Variants in TAFA1 observed in about 807,000 individuals in gnomAD.
TAFA1 encodes TAFA chemokine like family member 1.
A neutral mutation model predicts 18.5 loss-of-function variants in TAFA1; 4 were observed. The observed-to-expected ratio is 0.22, with a 90% CI of 0.11 to 0.49. The LOEUF (loss-of-function observed/expected upper bound fraction) is 0.49. Among genes scored for constraint, TAFA1 ranks in the 20% least tolerant of loss-of-function variants. The pLI, the probability that TAFA1 is intolerant of heterozygous loss-of-function variation, is 0.98. For synonymous variants in TAFA1, 56 were observed against 55.2 expected (o/e 1.01, Z -0.06); for missense variants, 147 against 169.0 (o/e 0.87, Z 0.72).
intron 2 of TAFA1, among the ~76,000 whole-genome samples, chr3:68,379,369 G>C (rs138526587): frequency 6.6e-6 from 1 of 152,114 alleles, no homozygotes; most frequent in Non-Finnish European, 1.5e-5. Flanking sequence ...ATTTGTTTAA[G>C]TTCCTTACAA....
chr3:68,018,041 T>C (rs1704604366), intron 2 of TAFA1, among the ~76,000 whole-genome samples: 1 of 152,168 alleles, frequency 6.6e-6, no homozygotes, highest in South Asian at 2.1e-4. Context: ...CAGGTAAGTG[T>C]AAAAGGATGG....
chr3:68,379,388 T>C (rs1374217005), intron 2 of TAFA1, among the ~76,000 whole-genome samples: 1 of 152,220 alleles, frequency 6.6e-6, no homozygotes, highest in Non-Finnish European at 1.5e-5. Context: ...AAATGCTGGA[T>C]ATTAGACCAT....
intron 3 of TAFA1, among the ~76,000 whole-genome samples, chr3:68,466,130 C>G (rs1433339894): frequency 6.6e-6 from 1 of 151,828 alleles, no homozygotes; most frequent in African/African-American, 2.4e-5. Context: ...TCCTGGCACT[C>G]TTGAGGTTGG....
chr3:68,207,206 C>T (rs954330563), intron 2 of TAFA1, among the ~76,000 whole-genome samples: 6 of 151,780 alleles, frequency 4.0e-5, no homozygotes, highest in Admixed American at 2.0e-4. Flanking sequence ...TATGGAGTGA[C>T]ATTTTGGTAA....
At chr3:68,537,169 A>C (rs1446994319) in intron 3 of TAFA1, among the ~76,000 whole-genome samples, 1 of 152,182 alleles carries the variant, frequency 6.6e-6, no homozygotes, top group African/African-American at 2.4e-5. Context: ...AGCTAAGAGC[A>C]CGAAAGTTCC....
In TAFA1 at chr3:68,483,904, G is replaced by T. The variant is rs1490464215; in HGVS notation, c.260-54852G>T. Among the ~76,000 whole-genome samples the T allele has an allele frequency of 9.9e-5, 15 of 152,244 alleles. 1 individual carries two copies. The highest frequency in any genetic ancestry group is 9.8e-4 in the Admixed American group (15 of 15,284). On this transcript the variant is annotated intron_variant, in intron 3 of 4. Coordinates refer to ENST00000478136, the MANE Select transcript of TAFA1 (RefSeq NM_213609.4). ...CTTATAGCTCTTTAGACTGAGGTAT[G>T]AAGCTTGATTTTATGCCTTGGGAAG... is the stretch of plus-strand genomic sequence containing the variant.
At chr3:68,218,068 C>G (rs559140517) in intron 2 of TAFA1, among the ~76,000 whole-genome samples, 1 of 152,142 alleles carries the variant, frequency 6.6e-6, no homozygotes, top group East Asian at 1.9e-4. Context: ...GATCTTTACA[C>G]AATATGTTTC....
chr3:68,102,514 G>C (rs1354841042), intron 2 of TAFA1, among the ~76,000 whole-genome samples: 1 of 152,108 alleles, frequency 6.6e-6, no homozygotes, highest in Non-Finnish European at 1.5e-5. Flanking sequence ...ACAGAAGGCT[G>C]GCTCTCATAT....
intron 2 of TAFA1, among the ~76,000 whole-genome samples, chr3:68,382,395 A>G (rs1460311518): frequency 1.3e-5 from 2 of 152,020 alleles, no homozygotes; most frequent in Non-Finnish European, 2.9e-5. Flanking sequence ...TGATTTTTGT[A>G]TATAGTGTGA....
intron 3 of TAFA1, among the ~76,000 whole-genome samples, chr3:68,484,950 C>T (rs935991567): frequency 6.6e-6 from 1 of 152,174 alleles, no homozygotes; most frequent in African/African-American, 2.4e-5. Flanking sequence ...AATTTCAAGG[C>T]AAGAGTCATA....
chr3:68,480,410 AT>A (rs2072209949), intron 3 of TAFA1, among the ~76,000 whole-genome samples: 1 of 78,826 alleles, frequency 1.3e-5, no homozygotes, highest in Non-Finnish European at 3.3e-5. Context: ...CTCAAAAAAC[AT>A]AAAAAAAAGA....
intron 3 of TAFA1, among the ~76,000 whole-genome samples, chr3:68,433,812 T>C (rs1392606274): frequency 1.3e-5 from 2 of 152,132 alleles, no homozygotes; most frequent in East Asian, 3.8e-4. Context: ...ACAGAATTAG[T>C]TCTGAATAAG....
chr3:68,483,725 T>C (rs2072280814), intron 3 of TAFA1, among the ~76,000 whole-genome samples: 1 of 152,176 alleles, frequency 6.6e-6, no homozygotes, highest in Non-Finnish European at 1.5e-5. Context: ...ATAGGTAAAC[T>C]TGTGGGAGAG....
intron 2 of TAFA1, among the ~76,000 whole-genome samples, chr3:68,229,518 C>T (rs2066844680): frequency 6.6e-6 from 1 of 151,626 alleles, no homozygotes. Flanking sequence ...TTGGAGTGGG[C>T]TTTTTTTTGG....
At chr3:68,022,635 T>G (rs901773923) in intron 2 of TAFA1, among the ~76,000 whole-genome samples, 10 of 151,862 alleles carry the variant, frequency 6.6e-5, no homozygotes, top group Non-Finnish European at 1.3e-4. Context: ...TTGTCTTTAG[T>G]CAGGAGGTAG....
chr3:68,150,730 A>T (rs2065797182), intron 2 of TAFA1, among the ~76,000 whole-genome samples: 1 of 151,902 alleles, frequency 6.6e-6, no homozygotes, highest in African/African-American at 2.4e-5. Context: ...GTTATTTTTG[A>T]TTGCTTCCTC....
intron 2 of TAFA1, among the ~76,000 whole-genome samples, chr3:68,117,319 G>C (rs1426688276): frequency 6.6e-6 from 1 of 152,156 alleles, no homozygotes; most frequent in African/African-American, 2.4e-5. Flanking sequence ...CATACTATGA[G>C]ATTTTTTCCC....
At chr3:68,290,949 G>A (rs2068093292) in intron 2 of TAFA1, among the ~76,000 whole-genome samples, 1 of 150,808 alleles carries the variant, frequency 6.6e-6, no homozygotes, top group South Asian at 2.1e-4. Context: ...TATTTAATAA[G>A]TTCTTGCATG....
intron 2 of TAFA1, among the ~76,000 whole-genome samples, chr3:68,336,587 T>C (rs2068972374): frequency 6.6e-6 from 1 of 152,252 alleles, no homozygotes; most frequent in South Asian, 2.1e-4. Flanking sequence ...ATCTTCAAAC[T>C]ATCTGCTTGA....
Sources: allele counts gnomAD v4.1 joint callset (sites outside exome capture counted in the v4.1 genomes callset), GRCh38; gene constraint gnomAD v4.1.1; transcripts MANE v1.5; gene names NCBI Gene and HGNC (gene_info 2026-07-23, HGNC 2026-07-21).